Variants in STMN2 observed in about 807,000 individuals in gnomAD.
The protein encoded by STMN2 is stathmin-2.
STMN2 carries 2 observed loss-of-function variants against 24.1 expected under a neutral mutation model. The ratio of observed to expected loss-of-function variants is 0.08; its 90% confidence interval spans 0.03 to 0.26. The LOEUF is 0.26. STMN2 is among the 10% of genes least tolerant of loss of function. STMN2 has a pLI of 1.00. For synonymous variants in STMN2, 83 were observed against 77.5 expected (o/e 1.07, Z -0.37); for missense variants, 114 against 213.6 (o/e 0.53, Z 2.91).
At chr8:79,621,233 T>A (rs1046855691) in intron 1 of STMN2, among the ~76,000 whole-genome samples, 15 of 152,172 alleles carry the variant, frequency 9.9e-5, no homozygotes, top group African/African-American at 3.6e-4. Context: ...AACTGCCTTG[T>A]CCATATCAGA....
intron 3 of STMN2, among the ~76,000 whole-genome samples, chr8:79,641,916 C>T (rs1248791667): frequency 6.6e-6 from 1 of 152,132 alleles, no homozygotes; most frequent in African/African-American, 2.4e-5. Context: ...AGAGAAAACA[C>T]AGCCCTGGCG....
intron 4 of STMN2, chr8:79,663,564 A>G (rs978041246): frequency 6.8e-7 from 1 of 1,480,626 alleles, no homozygotes; most frequent in Non-Finnish European, 9.0e-7. Context: ...GTTTAACGAT[A>G]AGTTTTACTT....
At chr8:79,662,670 A>G (rs1806526887) in intron 4 of STMN2, among the ~76,000 whole-genome samples, 1 of 152,122 alleles carries the variant, frequency 6.6e-6, no homozygotes, top group African/African-American at 2.4e-5. Context: ...CAAGCTCACA[A>G]ATTATATTTA....
intron 1 of STMN2, among the ~76,000 whole-genome samples, chr8:79,620,529 T>G (rs1010076487): frequency 1.3e-5 from 2 of 152,042 alleles, no homozygotes; most frequent in African/African-American, 2.4e-5. Context: ...GATTTAGTCT[T>G]TTGCAGAAAA....
chr8:79,650,286 C>T (rs751118666), intron 3 of STMN2, among the ~76,000 whole-genome samples: 13 of 152,166 alleles, frequency 8.5e-5, no homozygotes, highest in Non-Finnish European at 1.8e-4. Context: ...ACTTCACCAC[C>T]CTCCGTTTCA....
chr8:79,613,371 T>C, intron 1 of STMN2: 1 of 985,248 alleles, frequency 1.0e-6, no homozygotes. Flanking sequence ...CGCCGCGCCC[T>C]GCGCTCCCCT....
intron 1 of STMN2, among the ~76,000 whole-genome samples, chr8:79,635,639 G>A (rs1442492175): frequency 6.6e-6 from 1 of 152,180 alleles, no homozygotes; most frequent in Non-Finnish European, 1.5e-5. Flanking sequence ...ATAATCCTAA[G>A]TGAATTAACA....
chr8:79,627,502 G>T (rs1246611001), intron 1 of STMN2, among the ~76,000 whole-genome samples: 1 of 152,118 alleles, frequency 6.6e-6, no homozygotes, highest in African/African-American at 2.4e-5. Flanking sequence ...GTTCCAGATG[G>T]CATCCAAAAA....
intron 3 of STMN2, among the ~76,000 whole-genome samples, chr8:79,654,650 C>A (rs554123254): frequency 2.0e-5 from 3 of 152,296 alleles, no homozygotes; most frequent in South Asian, 4.1e-4. Context: ...CTAAGACAGT[C>A]CGAAATATAC....
chr8:79,628,664 G>A (rs1478911518), intron 1 of STMN2, among the ~76,000 whole-genome samples: 1 of 152,110 alleles, frequency 6.6e-6, no homozygotes, highest in Non-Finnish European at 1.5e-5. Context: ...TAGTGATCTT[G>A]TGCCTTTTTT....
chr8:79,618,753 C>T (rs909926241), intron 1 of STMN2, among the ~76,000 whole-genome samples: 7 of 152,130 alleles, frequency 4.6e-5, no homozygotes, highest in Non-Finnish European at 8.8e-5. Context: ...CATTTGTTCT[C>T]ACAAAACACT....
chr8:79,648,385 CATG>C (rs1396235283), intron 3 of STMN2, among the ~76,000 whole-genome samples: 2 of 150,004 alleles, frequency 1.3e-5, no homozygotes, highest in Non-Finnish European at 3.0e-5. Flanking sequence ...CTAGCAAACT[CATG>C]ATTTTATAAA....
At chr8:79,638,133 T>C (rs1315974105) in intron 2 of STMN2, among the ~76,000 whole-genome samples, 1 of 152,242 alleles carries the variant, frequency 6.6e-6, no homozygotes, top group Non-Finnish European at 1.5e-5. Context: ...ATGTTTCTTA[T>C]GAGACTAATG....
At chr8:79,624,453 CAAAAAA>C (rs1011493193) in intron 1 of STMN2, among the ~76,000 whole-genome samples, 1 of 45,132 alleles carries the variant, frequency 2.2e-5, no homozygotes, top group South Asian at 1.0e-3. Flanking sequence ...GACTCCGTCT[CAAAAAA>C]AAAAAAAAAA....
chr8:79,613,597 T>C (rs1357824367), intron 1 of STMN2: 6 of 985,480 alleles, frequency 6.1e-6, no homozygotes, highest in Non-Finnish European at 7.2e-6. Context: ...TCATCATCAG[T>C]ATTATTATCA....
chr8:79,632,031 GT>G (rs1373682040), intron 1 of STMN2, among the ~76,000 whole-genome samples: 1 of 152,150 alleles, frequency 6.6e-6, no homozygotes, highest in Non-Finnish European at 1.5e-5. Context: ...CAAGACTCAA[GT>G]TTTTTAGAAT....
At position 79,636,790 on chromosome 8, in the gene STMN2, T is replaced by C. The variant is rs1406991254; in HGVS notation, c.20-12T>C. 32 of 1,612,018 alleles carry C rather than the reference T, an allele frequency of 2.0e-5. No homozygotes were observed. Among genetic ancestry groups the C allele is most frequent in the Non-Finnish European group, 2.7e-5 (32 of 1,178,540 alleles). On this transcript the variant is annotated splice_polypyrimidine_tract_variant and intron_variant, in intron 1 of 4. Coordinates refer to ENST00000220876, the MANE Select transcript of STMN2 (RefSeq NM_007029.4). Reference sequence around the variant, plus strand: ...AAAATGAAATATACTAATCTTCAGCTTTTCATTTCAGCCTACAAGGAAAAA... The same window carrying C: ...AAAATGAAATATACTAATCTTCAGCCTTTCATTTCAGCCTACAAGGAAAAA...
At chr8:79,638,215 C>G (rs1380175239) in intron 2 of STMN2, among the ~76,000 whole-genome samples, 5 of 152,146 alleles carry the variant, frequency 3.3e-5, no homozygotes, top group Non-Finnish European at 7.3e-5. Flanking sequence ...GAATTCAGGG[C>G]TTAGTAGAAG....
At chr8:79,629,146 C>T (rs1435742071) in intron 1 of STMN2, among the ~76,000 whole-genome samples, 2 of 152,146 alleles carry the variant, frequency 1.3e-5, no homozygotes, top group Non-Finnish European at 2.9e-5. Flanking sequence ...TAGGACGATG[C>T]TTCACACTCA....
Sources: gnomAD v4.1 joint callset for allele counts (sites outside exome capture counted in the v4.1 genomes callset) on GRCh38, gnomAD v4.1.1 for gene constraint, MANE v1.5 for transcripts, NCBI Gene and HGNC (gene_info 2026-07-23, HGNC 2026-07-21) for gene names.